ZNF729: variants seen among roughly 807,000 people sequenced by gnomAD.
The protein encoded by ZNF729 is zinc finger protein 729.
Under a neutral mutation model 12.2 loss-of-function variants are expected in ZNF729, and 15 were observed. The ratio of observed to expected loss-of-function variants is 1.23; its 90% CI spans 0.82 to 1.89. ZNF729 has a LOEUF of 1.89. Among genes scored for constraint, ZNF729 ranks in the 40% most tolerant of loss-of-function variants. The pLI, the probability that ZNF729 is intolerant of heterozygous loss-of-function variation, is 0.00. For missense variants in ZNF729, 1,540 were observed against 1,456.7 expected (o/e 1.06, Z -0.93); for synonymous variants, 492 against 476.3 (o/e 1.03, Z -0.43).
chr19:22,314,492 C>T lies in ZNF729; in HGVS notation c.1075C>T (p.Gln359Ter). 5 of 1,607,154 alleles carry T rather than the reference C, an allele frequency of 3.1e-6. No homozygotes were observed. The highest frequency in any genetic ancestry group is 2.2e-5 in the South Asian group (2 of 90,596). Residue 359 changes from glutamine (Q) to a stop codon, truncating the protein, a stop_gained, in exon 4 of 4, where the codon CAG (glutamine) becomes TAG (stop). Coordinates refer to ENST00000601693, the MANE Select transcript of ZNF729 (RefSeq NM_001242680.2). LOFTEE classifies it low-confidence loss of function (END_TRUNC). ...TGAAGAATGTGGCAAAGCTTTTAGC[C>T]AGTCCTCAACCCTTAGAAAACATGA... The part of the protein sequence containing the change: ...KREECGKAFS[Q>*]SSTLRKHEII...
At position 22,288,240 on chromosome 19, in the gene ZNF729, TG is replaced by T. The variant is rs555569698; in HGVS notation, c.30+1686del. On this transcript the variant is annotated intron_variant, in intron 1 of 3. Transcript: ENST00000601693. The stretch of plus-strand genomic sequence containing the variant: ...CTTTTCCTAATATTTGTTTTCTGTT[TG>T]TAAATATTTCCTATGAGAAGAAAGC... Among the ~76,000 whole-genome samples, 18 of 152,214 alleles carry T rather than the reference TG, an allele frequency of 1.2e-4. No homozygotes were observed. The South Asian group carries it at 3.7e-3, about 32-fold the overall frequency.
At chr19:22,292,777 G>T (rs988166535) in intron 1 of ZNF729, among the ~76,000 whole-genome samples, 1 of 152,116 alleles carries the variant, frequency 6.6e-6, no homozygotes, top group Admixed American at 6.5e-5. Flanking sequence ...CCATTGATAG[G>T]CATTTAGGTT....
Position 22,304,693 on chromosome 19 carries a change from G to A in ZNF729, c.163G>A (p.Ala55Thr). Residue 55 changes from alanine to threonine, a missense_variant, in exon 3 of 4, where the codon GCT becomes ACT. By Grantham distance (58) the Ala-to-Thr change is moderately conservative. Coordinates refer to ENST00000601693, the MANE Select transcript of ZNF729 (RefSeq NM_001242680.2). Reference protein sequence around the residue: ...NYRNLVFLGMAVFKPDLITCL... With the variant: ...NYRNLVFLGMTVFKPDLITCL... ...ATTTATTTTTAATAAAACAGGTATG[G>A]CTGTCTTTAAGCCAGACTTGATAAC... 1 of 1,611,644 alleles carries A rather than the reference G, an allele frequency of 6.2e-7. No individual in the cohort carries two copies. The highest frequency in any genetic ancestry group is 8.5e-7 in the Non-Finnish European group (1 of 1,178,798).
At position 22,303,878 on chromosome 19, in the gene ZNF729, T is replaced by C. The variant is rs1968347135; in HGVS notation, c.151T>C (p.Phe51Leu). Reference sequence around the variant, plus strand: ...GTTAGAGAACTACAGAAACCTGGTCTTCCTGGGTGAGGATAATTTTAATTA... The same window carrying C: ...GTTAGAGAACTACAGAAACCTGGTCCTCCTGGGTGAGGATAATTTTAATTA... ...VMLENYRNLV[F>L]LGMAVFKPDL... Residue 51 changes from phenylalanine (F) to leucine (L), a missense_variant, in exon 2 of 4, where the codon TTC (phenylalanine) becomes CTC (leucine). Phe to Leu is a conservative substitution (Grantham distance 22, BLOSUM62 0). Coordinates refer to ENST00000601693, the MANE Select transcript of ZNF729 (RefSeq NM_001242680.2). 4 of 1,568,294 alleles carry C rather than the reference T, an allele frequency of 2.6e-6. No individual in the cohort carries two copies. The highest frequency in any genetic ancestry group is 2.7e-5 in the African/African-American group (2 of 73,608).
rs1568577795 is a variant in ZNF729 at position 22,315,123 on chromosome 19, A to G, written c.1706A>G (p.Glu569Gly). ...LTVHKVIHTG[E>G]KPCKCEECGK... is the part of the protein sequence containing the mutation. ...GTACATAAGGTAATTCATACTGGAG[A>G]GAAACCCTGCAAATGTGAAGAATGT... is the stretch of plus-strand genomic sequence containing the variant. The change falls in exon 4 of 4, where the codon GAG becomes GGG. Residue 569 changes from glutamate (E) to glycine (G), a missense_variant. Coordinates refer to ENST00000601693, the MANE Select transcript of ZNF729 (RefSeq NM_001242680.2). 1.9e-6 allele frequency: 3 copies of G among 1,611,168 alleles called. No homozygotes were observed. Among genetic ancestry groups the G allele is most frequent in the Non-Finnish European group, 2.5e-6 (3 of 1,179,644 alleles).
intron 3 of ZNF729, among the ~76,000 whole-genome samples, chr19:22,305,579 A>G (rs1242695957): frequency 6.6e-6 from 1 of 152,084 alleles, no homozygotes; most frequent in African/African-American, 2.4e-5. Flanking sequence ...CTATTATATA[A>G]TATCAATTTT....
chr19:22,295,726 C>A (rs1968223020), intron 1 of ZNF729, among the ~76,000 whole-genome samples: 1 of 152,184 alleles, frequency 6.6e-6, no homozygotes, highest in African/African-American at 2.4e-5. Context: ...AAGATAAACG[C>A]TTTCAGCTTG....
chr19:22,304,130 C>T (rs1426450037), intron 2 of ZNF729, among the ~76,000 whole-genome samples: 1 of 151,480 alleles, frequency 6.6e-6, no homozygotes, highest in African/African-American at 2.4e-5. Context: ...CCTCCACCTC[C>T]CAGGTTCATG....
At chr19:22,304,417 A>AT (rs1256074197) in intron 2 of ZNF729, among the ~76,000 whole-genome samples, 17 of 152,138 alleles carry the variant, frequency 1.1e-4, no homozygotes, top group Admixed American at 7.2e-4. Context: ...TTCACTCTAG[A>AT]TTAGTGGAAA....
In ZNF729 at chr19:22,314,436, T is replaced by G; in HGVS notation, c.1019T>G (p.Ile340Arg). 1 of 1,595,276 alleles carries G rather than the reference T, an allele frequency of 6.3e-7. No homozygotes were observed. Among genetic ancestry groups the G allele is most frequent in the Non-Finnish European group, 8.5e-7 (1 of 1,170,650 alleles). Residue 340 changes from isoleucine to arginine, a missense_variant, in exon 4 of 4, where the codon ATA becomes AGA. By Grantham distance (97) the Ile-to-Arg change is moderately conservative. Coordinates refer to ENST00000601693, the MANE Select transcript of ZNF729 (RefSeq NM_001242680.2). The stretch of plus-strand genomic sequence containing the variant: ...TTCTCAGCCCTTAGAAAACATAAGA[T>G]AATTCATACTGGAAAGAAACCCTAC... ...NHFSALRKHK[I>R]IHTGKKPYKR...
At chr19:22,292,932 T>A (rs1329729679) in intron 1 of ZNF729, among the ~76,000 whole-genome samples, 1 of 152,192 alleles carries the variant, frequency 6.6e-6, no homozygotes, top group Non-Finnish European at 1.5e-5. Flanking sequence ...TTTAGTTCTG[T>A]GAGGAATTGC....
chr19:22,302,871 C>T (rs2145049835), intron 1 of ZNF729, among the ~76,000 whole-genome samples: 1 of 137,182 alleles, frequency 7.3e-6, no homozygotes. Context: ...CTCACTGCAA[C>T]CTCCACCTCC....
In ZNF729 at chr19:22,315,365, C is replaced by T; in HGVS notation, c.1948C>T (p.His650Tyr). ...SSHLTRHKAIHTGEKPYKCEE... is the reference protein window; with the variant it reads ...SSHLTRHKAIYTGEKPYKCEE... ...ACACCTTACTAGACATAAAGCAATT[C>T]ATACTGGAGAGAAACCTTACAAATG... is the stretch of plus-strand genomic sequence containing the variant. The change falls in exon 4 of 4, where the codon CAT (histidine) becomes TAT (tyrosine). Residue 650 changes from histidine to tyrosine, a missense_variant. Physicochemically the swap from His to Tyr is moderately conservative, Grantham distance 83. Coordinates refer to ENST00000601693, the MANE Select transcript of ZNF729 (RefSeq NM_001242680.2). The T allele has an allele frequency of 6.2e-7, 1 of 1,613,548 alleles. No individual in the cohort carries two copies. Among genetic ancestry groups the T allele is most frequent in the Non-Finnish European group, 8.5e-7 (1 of 1,179,792 alleles).
intron 1 of ZNF729, among the ~76,000 whole-genome samples, chr19:22,288,739 G>T (rs1346879242): frequency 6.7e-6 from 1 of 150,114 alleles, no homozygotes; most frequent in Non-Finnish European, 1.5e-5. Flanking sequence ...TGCTGGTATT[G>T]CGGGAAAAAG....
intron 1 of ZNF729, among the ~76,000 whole-genome samples, chr19:22,290,259 T>C (rs1379525114): frequency 2.0e-5 from 3 of 152,122 alleles, no homozygotes; most frequent in Admixed American, 6.5e-5. Flanking sequence ...CCTTGGAAAG[T>C]TGGGGACCCA....
At chr19:22,304,359 G>A (rs1302134683) in intron 2 of ZNF729, among the ~76,000 whole-genome samples, 2 of 151,990 alleles carry the variant, frequency 1.3e-5, no homozygotes, top group Non-Finnish European at 2.9e-5. Flanking sequence ...TTTTAAAGAT[G>A]TTTCATTTTT....
At chr19:22,308,902 TACAG>T (rs898328753) in intron 3 of ZNF729, among the ~76,000 whole-genome samples, 2 of 152,140 alleles carry the variant, frequency 1.3e-5, no homozygotes, top group African/African-American at 4.8e-5. Flanking sequence ...TTCCACAAGA[TACAG>T]AGAGAACCCT....
chr19:22,295,393 T>C (rs57169724), intron 1 of ZNF729, among the ~76,000 whole-genome samples: 9,781 of 144,532 alleles, frequency 0.068, 537 homozygotes, highest in East Asian at 0.21. Flanking sequence ...TTCTTTCTTT[T>C]TTTTTTTTTT....
chr19:22,297,863 G>C (rs551532648), intron 1 of ZNF729, among the ~76,000 whole-genome samples: 23 of 151,760 alleles, frequency 1.5e-4, no homozygotes, highest in East Asian at 5.8e-4. Context: ...AAATTAGCTC[G>C]GCATGGTTGT....
Sources: allele counts gnomAD v4.1 joint callset (sites outside exome capture counted in the v4.1 genomes callset), GRCh38; gene constraint gnomAD v4.1.1; transcripts MANE v1.5; gene names NCBI Gene and HGNC (gene_info 2026-07-23, HGNC 2026-07-21).